The following PCDHGA8 variants were observed in gnomAD, a reference collection of about 807,000 sequenced individuals.
The protein encoded by PCDHGA8 is protocadherin gamma-A8.
In PCDHGA8, 45 loss-of-function variants were observed where a neutral mutation model predicts 59.2. The ratio of observed to expected loss-of-function variants is 0.76; its 90% confidence interval spans 0.60 to 0.98. The LOEUF (loss-of-function observed/expected upper bound fraction) is 0.98. PCDHGA8 is among the 50% of genes least tolerant of loss of function. PCDHGA8 has a pLI of 0.00. For synonymous variants in PCDHGA8, 531 were observed against 519.0 expected, an observed-to-expected ratio of 1.02 and a Z score of -0.32; for missense variants, 1,257 against 1,196.2, an observed-to-expected ratio of 1.05 and a Z score of -0.75.
At chr5:141,459,568 CAG>C (rs930633590) in intron 1 of PCDHGA8, among the ~76,000 whole-genome samples, 1 of 152,152 alleles carries the variant, frequency 6.6e-6, no homozygotes, top group Non-Finnish European at 1.5e-5. Context: ...TACCCCAAAA[CAG>C]AATTGTTTTG....
intron 1 of PCDHGA8, chr5:141,492,013 T>G: frequency 1.6e-6 from 1 of 610,970 alleles, no homozygotes; most frequent in Non-Finnish European, 2.7e-6. Context: ...TCCGCGGGTG[T>G]CGGGGGTCCC....
rs779191558 is a variant in PCDHGA8 at position 141,491,465 on chromosome 5, A to G, written c.2425-3342A>G. On this transcript the variant is annotated intron_variant, in intron 1 of 3. Coordinates refer to ENST00000398604, the MANE Select transcript of PCDHGA8 (RefSeq NM_032088.2). This position sits in a 1 kb window ranked among gnomAD's most constrained non-coding sequence, Gnocchi z 6.9. The stretch of plus-strand genomic sequence containing the variant: ...CAGGACTCACCCTCCCCGGACTTCT[A>G]TAAGCAGTCCAGCCCCAACCTGCAG... 1.2e-6 allele frequency: 2 copies of G among 1,613,974 alleles called. No homozygotes were observed. The highest frequency in any genetic ancestry group is 1.1e-5 in the South Asian group (1 of 91,084).
chr5:141,427,881 C>A, intron 1 of PCDHGA8: 1 of 1,563,720 alleles, frequency 6.4e-7, no homozygotes, highest in African/African-American at 1.3e-5. Context: ...GATGCAGGCC[C>A]ACGACCAGGG....
rs115237553 is a variant in PCDHGA8, at chr5:141,476,478, T to A, written c.2425-18329T>A. 1.3e-4 allele frequency: 203 copies of A among 1,613,844 alleles called. 2 individuals are homozygous for A. The African/African-American group carries it at 2.5e-3, about 20-fold the overall frequency. Reference sequence around the variant, plus strand: ...GAGAACCCGCTGGAGCTGTTCAGCGTGGAAGTGGTGATCCAGGACATCAAC... The same window carrying A: ...GAGAACCCGCTGGAGCTGTTCAGCGAGGAAGTGGTGATCCAGGACATCAAC... On this transcript the variant is annotated intron_variant, in intron 1 of 3. Transcript: ENST00000398604. The surrounding 1 kb of genome is among the most constrained non-coding windows in gnomAD (Gnocchi z 7.6).
intron 1 of PCDHGA8, chr5:141,478,511 C>CA: frequency 3.1e-6 from 5 of 1,611,778 alleles, no homozygotes; most frequent in Non-Finnish European, 4.2e-6. Context: ...GTTCTATAGG[C>CA]AGGTGTTGGG....
At chr5:141,428,098 A>G in intron 1 of PCDHGA8, 1 of 1,608,664 alleles carries the variant, frequency 6.2e-7, no homozygotes, top group Non-Finnish European at 8.5e-7. Flanking sequence ...CTGTCCTACC[A>G]CGTGCTGCAG....
chr5:141,426,733 G>A (rs62378459), intron 1 of PCDHGA8: 13,670 of 449,336 alleles, frequency 0.03, 288 homozygotes, highest in Middle Eastern at 0.11. Context: ...CCAGGCATTC[G>A]GTTTGGCCTG....
chr5:141,397,919 C>T (rs1158998805), intron 1 of PCDHGA8: 12 of 723,342 alleles, frequency 1.7e-5, no homozygotes, highest in Non-Finnish European at 2.2e-5. Context: ...TCCAGATCTC[C>T]TCGCGCAGCC....
chr5:141,444,565 C>G (rs2098441175), intron 1 of PCDHGA8, among the ~76,000 whole-genome samples: 1 of 152,124 alleles, frequency 6.6e-6, no homozygotes, highest in Non-Finnish European at 1.5e-5. Flanking sequence ...TTATTTGACA[C>G]TTTTGACTCT....
At chr5:141,434,497 G>A (rs986672351) in intron 1 of PCDHGA8, among the ~76,000 whole-genome samples, 2 of 152,214 alleles carry the variant, frequency 1.3e-5, no homozygotes, top group African/African-American at 4.8e-5. Context: ...CCCGCCCAGG[G>A]CAGAAAACTG....
intron 1 of PCDHGA8, among the ~76,000 whole-genome samples, chr5:141,401,205 G>C (rs1479820661): frequency 6.6e-6 from 1 of 152,118 alleles, no homozygotes; most frequent in African/African-American, 2.4e-5. Context: ...AGCTGGGTGT[G>C]GTGGCGGGCG....
intron 1 of PCDHGA8, among the ~76,000 whole-genome samples, chr5:141,435,395 C>T (rs946113643): frequency 5.3e-5 from 8 of 152,198 alleles, no homozygotes; most frequent in East Asian, 3.9e-4. Context: ...ATTGCCATGA[C>T]GAAAAATGGT....
chr5:141,432,652 C>T lies in PCDHGA8; in HGVS notation c.2424+37415C>T, dbSNP rs1004936183. On this transcript the variant is annotated intron_variant, in intron 1 of 3. Transcript: ENST00000398604. This position sits in a 1 kb window ranked among gnomAD's most constrained non-coding sequence, Gnocchi z 6.0. ...CGGGCGAGGTGCGCACGGCGCGAGC[C>T]CTGCTGGACAGAGACGCGCTCAAGC... The T allele has an allele frequency of 6.2e-7, 1 of 1,613,836 alleles. No individual in the cohort carries two copies. Among genetic ancestry groups the T allele is most frequent in the East Asian group, 2.2e-5 (1 of 44,860 alleles).
chr5:141,459,105 T>C (rs904382532), intron 1 of PCDHGA8, among the ~76,000 whole-genome samples: 7 of 152,208 alleles, frequency 4.6e-5, no homozygotes, highest in Non-Finnish European at 7.4e-5. Flanking sequence ...GCAATGCATT[T>C]TGACAATTGT....
chr5:141,420,540 A>G, intron 1 of PCDHGA8: 1 of 306,814 alleles, frequency 3.3e-6, no homozygotes, highest in Non-Finnish European at 5.7e-6. Context: ...AAAAATATAA[A>G]ATACAGGTAT....
chr5:141,446,936 C>G (rs935365668), intron 1 of PCDHGA8, among the ~76,000 whole-genome samples: 3 of 152,176 alleles, frequency 2.0e-5, no homozygotes, highest in African/African-American at 7.2e-5. Context: ...CTCTTTTTCA[C>G]TGTAAGAAAC....
intron 1 of PCDHGA8, among the ~76,000 whole-genome samples, chr5:141,462,012 G>A (rs1046109009): frequency 9.9e-5 from 15 of 152,128 alleles, no homozygotes; most frequent in Admixed American, 5.9e-4. Context: ...TAATAGAGAC[G>A]GGGTTTCTTC....
intron 3 of PCDHGA8, 110 bp downstream of exon 3, chr5:141,505,591 G>A (rs2099846959): frequency 6.4e-7 from 1 of 1,570,162 alleles, no homozygotes; most frequent in Non-Finnish European, 8.7e-7. Context: ...AGTTTCTCCA[G>A]ATCTTTCGGC....
Position 141,394,224 on chromosome 5 carries a change from A to G in PCDHGA8, c.1411A>G (p.Ile471Val), listed in dbSNP as rs375614946. The stretch of plus-strand genomic sequence containing the variant: ...AGAGAACAACCTGAGAGGAGCCTCC[A>G]TCTTTTCCTTGACTGCACACGACCC... ...ILENNLRGAS[I>V]FSLTAHDPDS... The change falls in exon 1 of 4, where the codon ATC (isoleucine) becomes GTC (valine). Residue 471 changes from isoleucine to valine, a missense_variant. Transcript: ENST00000398604. 2.4e-4 allele frequency: 380 copies of G among 1,613,788 alleles called. No individual in the cohort carries two copies. The highest frequency in any genetic ancestry group is 1.3e-3 in the Middle Eastern group (8 of 6,062).
Sources: allele counts gnomAD v4.1 joint callset (sites outside exome capture counted in the v4.1 genomes callset), GRCh38; gene constraint gnomAD v4.1.1; non-coding constraint Gnocchi (gnomAD v3.1); transcripts MANE v1.5; gene names NCBI Gene and HGNC (gene_info 2026-07-23, HGNC 2026-07-21).